The following TYW1B variants were observed in gnomAD, a reference collection of about 807,000 sequenced individuals.
The protein encoded by TYW1B is tRNA-yW synthesizing protein 1 homolog B.
Under a neutral mutation model 86.9 loss-of-function variants are expected in TYW1B, and 73 were observed. That is an observed-to-expected ratio of 0.84 (90% CI 0.70 to 1.02). The LOEUF (loss-of-function observed/expected upper bound fraction) is 1.02, where lower values mean the gene tolerates loss of function less well. Among genes scored for constraint, TYW1B ranks in the 50% least tolerant of loss-of-function variants. TYW1B has a pLI of 0.00. For synonymous variants in TYW1B, 248 were observed against 292.8 expected, an observed-to-expected ratio of 0.85 and a Z score of 1.56; for missense variants, 637 against 827.4, an observed-to-expected ratio of 0.77 and a Z score of 2.82.
At chr7:72,627,982 G>A (rs1812389343) in intron 12 of TYW1B, among the ~76,000 whole-genome samples, 1 of 152,160 alleles carries the variant, frequency 6.6e-6, no homozygotes, top group Non-Finnish European at 1.5e-5. Context: ...CCAGTACTCT[G>A]AATAACTGTT....
At chr7:72,775,179 T>C (rs1787933555) in intron 7 of TYW1B, among the ~76,000 whole-genome samples, 1 of 152,074 alleles carries the variant, frequency 6.6e-6, no homozygotes, top group African/African-American at 2.4e-5. Flanking sequence ...GTGGGTCAAA[T>C]TCAAGCAGAT....
chr7:72,651,017 C>G lies in TYW1B; in HGVS notation c.1507-22020G>C, dbSNP rs1585876216. On this transcript the variant is annotated intron_variant, in intron 11 of 13. Transcript: ENST00000620995. ...TATGAAAATGTAATTAAAGGCTAAGCACAGGCAAGACCATTTTGGAAAAAA... is the reference window on the plus strand; with the variant it reads ...TATGAAAATGTAATTAAAGGCTAAGGACAGGCAAGACCATTTTGGAAAAAA... Among the ~76,000 whole-genome samples, 3 of 152,106 alleles carry G rather than the reference C, an allele frequency of 2.0e-5. No individual in the cohort carries two copies. In the East Asian group the frequency reaches 5.8e-4, roughly 29 times the overall value.
chr7:72,613,608 A>G (rs1488331435), intron 13 of TYW1B, among the ~76,000 whole-genome samples: 2 of 151,772 alleles, frequency 1.3e-5, no homozygotes, highest in Non-Finnish European at 2.9e-5. Context: ...GAGTTTCACT[A>G]TGTTGGCCAG....
chr7:72,653,645 G>A (rs1275668015), intron 11 of TYW1B, among the ~76,000 whole-genome samples: 1 of 149,084 alleles, frequency 6.7e-6, no homozygotes, highest in Non-Finnish European at 1.5e-5. Context: ...AACCAGCTGG[G>A]ATTTATTCCA....
chr7:72,761,622 T>A (rs782544952), intron 7 of TYW1B, among the ~76,000 whole-genome samples: 2 of 151,840 alleles, frequency 1.3e-5, no homozygotes, highest in East Asian at 3.9e-4. Context: ...TTTTTTAATT[T>A]AAAAATTTTT....
At chr7:72,698,645 C>A (rs1249095363) in intron 10 of TYW1B, among the ~76,000 whole-genome samples, 8 of 129,894 alleles carry the variant, frequency 6.2e-5, no homozygotes, top group East Asian at 2.2e-4. Context: ...GACTCCATCT[C>A]AAAAAAAAAA....
rs557350596 is a variant in TYW1B, at chr7:72,770,061, A to G, written c.964+7355T>C. ...GCACTCCAGCCTGGGTGAGACAGCGAGACTCTGTCTCGAAAAAAAAAAAAA... is the reference window on the plus strand; with the variant it reads ...GCACTCCAGCCTGGGTGAGACAGCGGGACTCTGTCTCGAAAAAAAAAAAAA... On this transcript the variant is annotated intron_variant, in intron 7 of 13. Transcript: ENST00000620995. Among the ~76,000 whole-genome samples, 4 of 151,332 alleles carry G rather than the reference A, an allele frequency of 2.6e-5. No individual in the cohort carries two copies. In the South Asian group the frequency reaches 8.4e-4, roughly 32 times the overall value.
chr7:72,756,704 T>C (rs1402449903), intron 7 of TYW1B, among the ~76,000 whole-genome samples: 2 of 152,076 alleles, frequency 1.3e-5, no homozygotes, highest in Non-Finnish European at 1.5e-5. Flanking sequence ...CTCCTGGAGA[T>C]ACAGCCACAA....
At chr7:72,816,836 A>C (rs1209049703) in intron 2 of TYW1B, among the ~76,000 whole-genome samples, 1 of 152,196 alleles carries the variant, frequency 6.6e-6, no homozygotes, top group Admixed American at 6.5e-5. Context: ...CACGGCCAGA[A>C]ACGGCCTGGA....
chr7:72,678,546 C>T (rs1372642117), intron 11 of TYW1B, among the ~76,000 whole-genome samples: 1 of 151,844 alleles, frequency 6.6e-6, no homozygotes, highest in Non-Finnish European at 1.5e-5. Flanking sequence ...AAAATAAAAC[C>T]TCAAATCAGA....
At chr7:72,650,038 C>T (rs1261993138) in intron 11 of TYW1B, among the ~76,000 whole-genome samples, 8 of 151,302 alleles carry the variant, frequency 5.3e-5, no homozygotes, top group South Asian at 4.2e-4. Context: ...TACAGGCACC[C>T]GCCACCATGC....
intron 9 of TYW1B, among the ~76,000 whole-genome samples, chr7:72,725,794 C>G (rs1554458560): frequency 6.6e-6 from 1 of 152,108 alleles, no homozygotes; most frequent in Non-Finnish European, 1.5e-5. Flanking sequence ...AGATGTTGAA[C>G]TCACCAAGCC....
chr7:72,686,695 A>G (rs1346093425), intron 11 of TYW1B, among the ~76,000 whole-genome samples: 1 of 152,188 alleles, frequency 6.6e-6, no homozygotes, highest in Non-Finnish European at 1.5e-5. Flanking sequence ...CCTAATGTAA[A>G]ATACAGACTG....
intron 12 of TYW1B, among the ~76,000 whole-genome samples, chr7:72,618,681 T>C (rs782182594): frequency 3.3e-5 from 5 of 152,280 alleles, no homozygotes; most frequent in African/African-American, 4.8e-5. Context: ...TTGTGGAATA[T>C]AAACCACAGC....
chr7:72,764,527 C>T (rs747018466), intron 7 of TYW1B, among the ~76,000 whole-genome samples: 3 of 152,188 alleles, frequency 2.0e-5, no homozygotes, highest in Non-Finnish European at 4.4e-5. Context: ...GTCATCCGCC[C>T]ACCTCGGCCT....
chr7:72,632,364 T>TATAC (rs1342544220), intron 11 of TYW1B, among the ~76,000 whole-genome samples: 1,621 of 102,674 alleles, frequency 0.016, 36 homozygotes, highest in African/African-American at 0.029. Flanking sequence ...ATTATATATA[T>TATAC]ACGCATATAT....
At chr7:72,657,003 A>G (rs191747430) in intron 11 of TYW1B, among the ~76,000 whole-genome samples, 3 of 152,316 alleles carry the variant, frequency 2.0e-5, no homozygotes, top group Admixed American at 6.5e-5. Flanking sequence ...CAACCAAACA[A>G]TATCTCCTCC....
intron 11 of TYW1B, among the ~76,000 whole-genome samples, chr7:72,648,405 T>C (rs1340385323): frequency 6.6e-6 from 1 of 151,932 alleles, no homozygotes; most frequent in African/African-American, 2.4e-5. Context: ...TAGCTGGACT[T>C]GGTAGCGCAT....
chr7:72,796,978 A>AT (rs34168427), intron 6 of TYW1B, among the ~76,000 whole-genome samples: 178 of 149,592 alleles, frequency 1.2e-3, no homozygotes, highest in Non-Finnish European at 1.8e-3. Context: ...TAATTTTTGT[A>AT]TTTTTTTTAA....
Sources: gnomAD v4.1 joint callset for allele counts (sites outside exome capture counted in the v4.1 genomes callset) on GRCh38, gnomAD v4.1.1 for gene constraint, MANE v1.5 for transcripts, NCBI Gene and HGNC (gene_info 2026-07-23, HGNC 2026-07-21) for gene names.